NFYA: variants seen among roughly 807,000 people sequenced by gnomAD.
NFYA encodes the protein nuclear transcription factor Y subunit alpha.
A neutral mutation model predicts 52.8 loss-of-function variants in NFYA; 28 were observed. The observed-to-expected ratio is 0.53, with a 90% CI of 0.39 to 0.73. The LOEUF (loss-of-function observed/expected upper bound fraction) is 0.73, where lower values mean the gene tolerates loss of function less well. NFYA is among the 30% of genes least tolerant of loss of function. NFYA has a pLI of 0.00. For synonymous variants in NFYA, 150 were observed against 150.7 expected (o/e 1.00, Z 0.03); for missense variants, 234 against 427.0 (o/e 0.55, Z 3.98).
intron 8 of NFYA, 115 bp from the exon 9 acceptor site, chr6:41,094,281 C>T: frequency 1.3e-6 from 1 of 781,642 alleles, no homozygotes; most frequent in South Asian, 1.7e-5. Flanking sequence ...CATAATTGTC[C>T]CTTGTGACTT....
At chr6:41,090,418 T>G in intron 6 of NFYA, 109 bp downstream of exon 6, 1 of 598,972 alleles carries the variant, frequency 1.7e-6, no homozygotes, top group Non-Finnish European at 3.0e-6. Flanking sequence ...ACATATTTTT[T>G]GGACAAAAAA....
chr6:41,094,350 G>T lies in NFYA; in HGVS notation c.889-46G>T, dbSNP rs1582037579. ...ATTTGTGCACTAGATAACTGTGCTG[G>T]TTCTGGATAGTATTAATAGTTAAAT... On this transcript the variant is annotated intron_variant, in intron 8 of 9. Coordinates refer to ENST00000341376, the MANE Select transcript of NFYA (RefSeq NM_002505.5). 5 of 1,535,094 alleles carry T rather than the reference G, an allele frequency of 3.3e-6. No homozygotes were observed. The African/African-American group carries it at 5.4e-5, about 17-fold the overall frequency.
At chr6:41,089,016 C>T (rs995360964) in intron 4 of NFYA, among the ~76,000 whole-genome samples, 7 of 152,186 alleles carry the variant, frequency 4.6e-5, no homozygotes, top group East Asian at 1.9e-4. Flanking sequence ...GACGGAATCT[C>T]GCTCTGTCGC....
intron 8 of NFYA, among the ~76,000 whole-genome samples, 195 bp from the exon 9 acceptor site, chr6:41,094,201 A>G (rs1764283330): frequency 6.6e-6 from 1 of 152,178 alleles, no homozygotes; most frequent in African/African-American, 2.4e-5. Flanking sequence ...ACAGTCTTAC[A>G]GTAGTTATAT....
At chr6:41,076,737 A>G (rs1307064952) in intron 1 of NFYA, among the ~76,000 whole-genome samples, 1 of 152,222 alleles carries the variant, frequency 6.6e-6, no homozygotes, top group East Asian at 1.9e-4. Flanking sequence ...GACAGACTAA[A>G]TCTGGCTTAG....
At chr6:41,089,791 C>T in intron 5 of NFYA, 81 bp downstream of exon 5, 1 of 1,528,080 alleles carries the variant, frequency 6.5e-7, no homozygotes, top group Non-Finnish European at 8.8e-7. Flanking sequence ...TCATGTATAG[C>T]ATGTATAGTA....
chr6:41,091,541 T>C lies in NFYA; in HGVS notation c.561T>C (p.Val187=). ...GTTTTCTTAAAGTTACAGTCCCTGT[T>C]TCAGGCATGATCACTATCCCAGCAG... ...GTILQQVTVP[V]SGMITIPAAS... The change falls in exon 7 of 10, where the codon GTT becomes GTC. Residue 187 remains valine, a synonymous_variant. Transcript: ENST00000341376. 2.5e-6 allele frequency: 4 copies of C among 1,613,774 alleles called. No individual in the cohort carries two copies. Among genetic ancestry groups the C allele is most frequent in the Non-Finnish European group, 3.4e-6 (4 of 1,179,900 alleles).
intron 4 of NFYA, among the ~76,000 whole-genome samples, chr6:41,084,861 T>C (rs1764001107): frequency 6.6e-6 from 1 of 151,480 alleles, no homozygotes; most frequent in South Asian, 2.1e-4. Flanking sequence ...ACTTGGGGGG[T>C]TGAGGCATAA....
Position 41,100,197 on chromosome 6 carries a change from G to C in NFYA, c.*2787G>C, listed in dbSNP as rs1235803433. On this transcript the variant is annotated 3_prime_UTR_variant, in exon 10 of 10. Coordinates refer to ENST00000341376, the MANE Select transcript of NFYA (RefSeq NM_002505.5). The stretch of plus-strand genomic sequence containing the variant: ...AGATTTTTTCTGTCACCTGCAGGCT[G>C]ATCATACATTTGATGCTACTACTGA... 6.6e-6 allele frequency among the ~76,000 whole-genome samples: 1 copy of C among 152,140 alleles called. No homozygotes were observed. Among genetic ancestry groups the C allele is most frequent in the Non-Finnish European group, 1.5e-5 (1 of 68,030 alleles).
intron 1 of NFYA, among the ~76,000 whole-genome samples, chr6:41,073,847 C>G (rs1467118513): frequency 6.6e-6 from 1 of 152,138 alleles, no homozygotes; most frequent in African/African-American, 2.4e-5. Flanking sequence ...CCCCTTTTGG[C>G]TCGTCATTTC....
chr6:41,089,538 G>C, intron 4 of NFYA, 41 bp from the exon 5 acceptor site: 2 of 1,543,388 alleles, frequency 1.3e-6, no homozygotes, highest in Non-Finnish European at 1.7e-6. Flanking sequence ...GGAGACCAGT[G>C]TCAGTAGAGT....
intron 4 of NFYA, 60 bp from the exon 5 acceptor site, chr6:41,089,519 G>A: frequency 6.8e-7 from 1 of 1,460,812 alleles, no homozygotes; most frequent in Non-Finnish European, 9.1e-7. Flanking sequence ...ATAACTCTCG[G>A]GGACCAAAGG....
Position 41,101,890 on chromosome 6 carries a change from A to G in NFYA, c.*4480A>G, listed in dbSNP as rs1356623443. ...TCTAAGTTACACCATGTTAATGGAT[A>G]AAGGAATTACTCAGCTTGAAGGGAT... On this transcript the variant is annotated 3_prime_UTR_variant, in exon 10 of 10. Transcript: ENST00000341376. 6.6e-6 allele frequency: 1 copy of G among 152,238 alleles called. No individual in the cohort carries two copies. The highest frequency in any genetic ancestry group is 1.5e-5 in the Non-Finnish European group (1 of 68,050). 9.4% of individuals were successfully genotyped at this position (152,238 alleles called of 1,614,324 possible).
At position 41,100,129 on chromosome 6, in the gene NFYA, T is replaced by A. The variant is rs1339400687; in HGVS notation, c.*2719T>A. Among the ~76,000 whole-genome samples, 1 of 152,158 alleles carries A rather than the reference T, an allele frequency of 6.6e-6. No individual in the cohort carries two copies. Among genetic ancestry groups the A allele is most frequent in the Non-Finnish European group, 1.5e-5 (1 of 68,034 alleles). On this transcript the variant is annotated 3_prime_UTR_variant, in exon 10 of 10. Transcript: ENST00000341376. ...AATGTCTGAGCCTCTTAGCTTTATC[T>A]CCCCTTAATTTCTTCCCTTTTGGCC... is the stretch of plus-strand genomic sequence containing the variant.
intron 2 of NFYA, 71 bp from the exon 3 acceptor site, chr6:41,080,740 A>T: frequency 7.9e-7 from 1 of 1,264,414 alleles, no homozygotes; most frequent in East Asian, 2.4e-5. Context: ...CCAAGAGGTA[A>T]GGTGATCTGT....
At chr6:41,077,947 A>G (rs1763786061) in intron 1 of NFYA, among the ~76,000 whole-genome samples, 1 of 152,010 alleles carries the variant, frequency 6.6e-6, no homozygotes, top group African/African-American at 2.4e-5. Flanking sequence ...TTTTGATTAA[A>G]TTTTGTTATA....
At position 41,091,664 on chromosome 6, in the gene NFYA, C is replaced by T; in HGVS notation, c.684C>T (p.Gly228=). ...TCACTGTGACACTACCAGTGGCAGG[C>T]AATGTGGTCAATTCAGGAGGGATGG... ...GTVTVTLPVA[G]NVVNSGGMVM... The change falls in exon 7 of 10, where the codon GGC becomes GGT. Residue 228 remains glycine, a synonymous_variant. Coordinates refer to ENST00000341376, the MANE Select transcript of NFYA (RefSeq NM_002505.5). 5.6e-6 allele frequency: 9 copies of T among 1,614,110 alleles called. No homozygotes were observed. The highest frequency in any genetic ancestry group is 7.6e-6 in the Non-Finnish European group (9 of 1,180,002).
intron 4 of NFYA, among the ~76,000 whole-genome samples, chr6:41,086,522 G>T (rs1042196809): frequency 4.0e-5 from 6 of 151,892 alleles, no homozygotes; most frequent in South Asian, 2.1e-4. Flanking sequence ...TTGTATAGGA[G>T]TTTTTTTTCT....
chr6:41,082,182 C>T (rs1346330939), intron 3 of NFYA, among the ~76,000 whole-genome samples: 1 of 152,168 alleles, frequency 6.6e-6, no homozygotes, highest in Non-Finnish European at 1.5e-5. Flanking sequence ...CTTTCAATCC[C>T]ACCCCTACCC....
Sources: allele counts gnomAD v4.1 joint callset (sites outside exome capture counted in the v4.1 genomes callset), GRCh38; gene constraint gnomAD v4.1.1; transcripts MANE v1.5; gene names NCBI Gene and HGNC (gene_info 2026-07-23, HGNC 2026-07-21).